Variants in DLC1 observed in about 807,000 individuals in gnomAD.
DLC1 encodes the protein DLC1 Rho GTPase activating protein.
A neutral mutation model predicts 140.3 loss-of-function variants in DLC1; 54 were observed. That is an observed-to-expected ratio of 0.38 (90% CI 0.31 to 0.48). The LOEUF (loss-of-function observed/expected upper bound fraction) is 0.48. Ranked by LOEUF, DLC1 falls within the 20% of genes least tolerant of loss-of-function variation. The pLI is 0.96. For missense variants in DLC1, 2,536 were observed against 1,907.0 expected (o/e 1.33, Z -6.14); for synonymous variants, 986 against 728.1 (o/e 1.35, Z -5.70).
intron 4 of DLC1, among the ~76,000 whole-genome samples, chr8:13,370,861 G>T (rs1269845128): frequency 6.6e-6 from 1 of 152,074 alleles, no homozygotes; most frequent in Admixed American, 6.6e-5. Flanking sequence ...ACTAGCTTAG[G>T]ACGAGTGGAT....
rs943638491 is a variant in DLC1, at chr8:13,186,610, G to A, written c.1349-70953C>T. ...GGGTTTGAACATCCTCCTTTAGCTC[G>A]GAGAAATTTGTTATTACTGACCTTC... On this transcript the variant is annotated intron_variant, in intron 5 of 17. Transcript: ENST00000276297. 5.9e-5 allele frequency among the ~76,000 whole-genome samples: 9 copies of A among 152,134 alleles called. No individual in the cohort carries two copies. The East Asian group carries it at 7.8e-4, about 13-fold the overall frequency.
chr8:13,271,911 A>T lies in DLC1; in HGVS notation c.1348+33358T>A, dbSNP rs988376599. Among the ~76,000 whole-genome samples the T allele has an allele frequency of 7.9e-5, 12 of 152,164 alleles. No individual in the cohort carries two copies. In the East Asian group the frequency reaches 1.5e-3, roughly 20 times the overall value. On this transcript the variant is annotated intron_variant, in intron 5 of 17. Coordinates refer to ENST00000276297, the MANE Select transcript of DLC1 (RefSeq NM_182643.3). Reference sequence around the variant, plus strand: ...AGGCTGGTCTTGGGTTCCAGGCCTCAAGCAGTCCTCCTGCTGGGCTTCCAA... The same window carrying T: ...AGGCTGGTCTTGGGTTCCAGGCCTCTAGCAGTCCTCCTGCTGGGCTTCCAA...
At chr8:13,191,933 A>ATTATTG (rs1826778779) in intron 5 of DLC1, among the ~76,000 whole-genome samples, 2 of 147,304 alleles carry the variant, frequency 1.4e-5, no homozygotes, top group South Asian at 4.3e-4. Flanking sequence ...CCTGATTATT[A>ATTATTG]TTATTATTAT....
rs144457085 is a variant in DLC1 at position 13,535,922 on chromosome 8, TGTAA to T, written c.-125-35730_-125-35727del. Reference sequence around the variant, plus strand: ...ATTTGTGGGTGGAGGTACAGAATTATGTAAGTGTTAGCAAGAATTTTTTAAGCTC... The same window carrying T: ...ATTTGTGGGTGGAGGTACAGAATTATGTGTTAGCAAGAATTTTTTAAGCTC... On this transcript the variant is annotated intron_variant, in intron 1 of 1. Coordinates refer to the DLC1 transcript ENST00000631382. 3.4e-3 allele frequency: 518 copies of T among 152,250 alleles called. 3 individuals are homozygous for T. The highest frequency in any genetic ancestry group is 0.012 in the African/African-American group (496 of 41,532). The allele number at this position is 152,250 out of a possible 1,614,324, so 9.4% of individuals were successfully genotyped here. A position where few individuals can be genotyped will look rare whatever the true frequency, so the allele number is the denominator to read the frequency against.
rs149872027 is a variant in DLC1, at chr8:13,534,985, T to C, written c.-125-34789A>G. Among the ~76,000 whole-genome samples, 670 of 152,236 alleles carry C rather than the reference T, an allele frequency of 4.4e-3. 7 individuals carry two copies. The highest frequency in any genetic ancestry group is 0.016 in the African/African-American group (651 of 41,504). ...ACCTTTCTGCTGAGGTATAGGAGAA[T>C]CCTTATCTCTCGCTAATCACTAATT... On this transcript the variant is annotated intron_variant, in intron 1 of 1. Transcript: ENST00000631382.
chr8:13,499,977 T>C lies in DLC1; in HGVS notation c.95A>G (p.His32Arg), dbSNP rs1801726166. 6 of 1,614,138 alleles carry C rather than the reference T, an allele frequency of 3.7e-6. No homozygotes were observed. The highest frequency in any genetic ancestry group is 2.7e-5 in the African/African-American group (2 of 75,060). ...FNSDDRNTAC[H>R]HGLVADSLQA... ...CAAGCTGTCAGCTACTAGTCCATGA[T>C]GACATGCTGTGTTACGATCATCAGA... Residue 32 changes from histidine (H) to arginine (R), a missense_variant, in exon 2 of 18, where the codon CAT becomes CGT. Physicochemically the swap from His to Arg is conservative, Grantham distance 29. Coordinates refer to ENST00000276297, the MANE Select transcript of DLC1 (RefSeq NM_182643.3).
intron 1 of DLC1, among the ~76,000 whole-genome samples, chr8:13,574,399 G>GT (rs903125942): frequency 5.3e-5 from 8 of 152,012 alleles, no homozygotes; most frequent in South Asian, 2.1e-4. Context: ...CTTAATATAT[G>GT]TTTTTTGCCC....
At chr8:13,250,920 T>A (rs1017580178) in intron 5 of DLC1, among the ~76,000 whole-genome samples, 2 of 152,058 alleles carry the variant, frequency 1.3e-5, no homozygotes, top group African/African-American at 4.8e-5. Context: ...GATGACTACA[T>A]TTAATACTAA....
chr8:13,334,195 G>T lies in DLC1; in HGVS notation c.1315-28893C>A, dbSNP rs547633742. On this transcript the variant is annotated intron_variant, in intron 4 of 17. Coordinates refer to ENST00000276297, the MANE Select transcript of DLC1 (RefSeq NM_182643.3). ...CCATGAATAACCAGGAGATAGCATT[G>T]CAAGCAGTGACACAGAGGAGAGAAG... 5.9e-5 allele frequency among the ~76,000 whole-genome samples: 9 copies of T among 152,184 alleles called. No homozygotes were observed. The South Asian group carries it at 8.3e-4, about 14-fold the overall frequency.
chr8:13,446,622 G>T (rs1245148376), intron 2 of DLC1, among the ~76,000 whole-genome samples: 1 of 152,050 alleles, frequency 6.6e-6, no homozygotes, highest in Admixed American at 6.6e-5. Flanking sequence ...GGGAGGAGGA[G>T]AGGGAAGGGA....
intron 4 of DLC1, among the ~76,000 whole-genome samples, chr8:13,375,628 T>G (rs1188602437): frequency 1.3e-5 from 2 of 152,330 alleles, no homozygotes; most frequent in East Asian, 3.9e-4. Flanking sequence ...CCATTCAGTA[T>G]GATATTGGCT....
intron 5 of DLC1, among the ~76,000 whole-genome samples, chr8:13,181,335 CTT>C (rs59772687): frequency 1.5e-5 from 2 of 136,124 alleles, no homozygotes; most frequent in Admixed American, 7.4e-5. Flanking sequence ...TTCTTTCTTT[CTT>C]TTTTTTTTTT....
intron 1 of DLC1, among the ~76,000 whole-genome samples, chr8:13,539,754 G>C: frequency 6.7e-6 from 1 of 148,978 alleles, no homozygotes; most frequent in Non-Finnish European, 1.5e-5. Flanking sequence ...GTGTGTATGT[G>C]TGTGTGTGTG....
chr8:13,485,193 T>C (rs922032656), intron 2 of DLC1, among the ~76,000 whole-genome samples: 1 of 152,218 alleles, frequency 6.6e-6, no homozygotes, highest in African/African-American at 2.4e-5. Flanking sequence ...CTTCTACTAT[T>C]TTCTCCTACA....
intron 1 of DLC1, among the ~76,000 whole-genome samples, chr8:13,544,418 T>C (rs574124957): frequency 1.3e-4 from 20 of 152,318 alleles, no homozygotes; most frequent in African/African-American, 4.8e-4. Flanking sequence ...ATCAATTTGG[T>C]TATGAGGTTA....
chr8:13,377,548 T>C (rs1412471292), intron 4 of DLC1, among the ~76,000 whole-genome samples: 1 of 152,160 alleles, frequency 6.6e-6, no homozygotes, highest in African/African-American at 2.4e-5. Context: ...CAAAACTGCT[T>C]CCTTATCCTA....
chr8:13,531,273 G>A (rs557564712), intron 1 of DLC1, among the ~76,000 whole-genome samples: 1 of 152,252 alleles, frequency 6.6e-6, no homozygotes, highest in East Asian at 1.9e-4. Flanking sequence ...ATTTTACATT[G>A]AGTTACATTT....
At chr8:13,368,032 CTG>C (rs1207997860) in intron 4 of DLC1, among the ~76,000 whole-genome samples, 1 of 152,154 alleles carries the variant, frequency 6.6e-6, no homozygotes, top group East Asian at 1.9e-4. Context: ...TGGTGAAGTT[CTG>C]TGTTTAAAGC....
chr8:13,449,548 T>G (rs1798946390), intron 2 of DLC1, among the ~76,000 whole-genome samples: 1 of 152,126 alleles, frequency 6.6e-6, no homozygotes, highest in Non-Finnish European at 1.5e-5. Flanking sequence ...TTCCCCATCA[T>G]TCTCAGCAAA....
Sources: gnomAD v4.1 joint callset for allele counts (sites outside exome capture counted in the v4.1 genomes callset) on GRCh38, gnomAD v4.1.1 for gene constraint, MANE v1.5 for transcripts, NCBI Gene and HGNC (gene_info 2026-07-23, HGNC 2026-07-21) for gene names.